Variants in MTUS2 observed in about 807,000 individuals in gnomAD.
MTUS2 encodes the protein microtubule-associated tumor suppressor candidate 2.
Under a neutral mutation model 114.1 loss-of-function variants are expected in MTUS2, and 40 were observed. The ratio of observed to expected loss-of-function variants is 0.35; its 90% CI spans 0.27 to 0.46. The LOEUF is 0.46. MTUS2 is among the 20% of genes least tolerant of loss of function. The pLI, the probability that MTUS2 is intolerant of heterozygous loss-of-function variation, is 1.00. For synonymous variants in MTUS2, 688 were observed against 672.0 expected (o/e 1.02, Z -0.37); for missense variants, 1,679 against 1,705.4 (o/e 0.98, Z 0.27).
At chr13:29,030,696 C>G (rs1456923919) in intron 3 of MTUS2, among the ~76,000 whole-genome samples, 2 of 151,958 alleles carry the variant, frequency 1.3e-5, no homozygotes, top group African/African-American at 4.8e-5. Flanking sequence ...TAATGTGTTG[C>G]AATGGAAGTA....
At chr13:29,031,832 A>G (rs915518459) in intron 3 of MTUS2, among the ~76,000 whole-genome samples, 1 of 152,046 alleles carries the variant, frequency 6.6e-6, no homozygotes, top group Non-Finnish European at 1.5e-5. Flanking sequence ...GCTTGTTAAC[A>G]AAGCCTTCAC....
chr13:29,497,412 T>TCGTC, intron 13 of MTUS2, 76 bp downstream of exon 13: 1 of 1,307,644 alleles, frequency 7.6e-7, no homozygotes, highest in Non-Finnish European at 1.1e-6. Context: ...CTCAGCAGTC[T>TCGTC]CGTCCCAAGA....
At chr13:29,451,287 A>G (rs765304465) in intron 9 of MTUS2, among the ~76,000 whole-genome samples, 28 of 151,668 alleles carry the variant, frequency 1.8e-4, no homozygotes, top group Non-Finnish European at 3.8e-4. Context: ...AAAATATCTG[A>G]AAAAAAAACC....
chr13:29,000,655 T>C (rs756942967), intron 2 of MTUS2, among the ~76,000 whole-genome samples: 3 of 152,222 alleles, frequency 2.0e-5, no homozygotes, highest in Non-Finnish European at 2.9e-5. Flanking sequence ...CATAAGCCAC[T>C]GTGCCTGGCC....
intron 2 of MTUS2, among the ~76,000 whole-genome samples, chr13:28,862,793 G>T (rs1360855285): frequency 1.3e-5 from 2 of 152,148 alleles, no homozygotes; most frequent in Non-Finnish European, 2.9e-5. Context: ...AATTGAACAT[G>T]ATAGTAAAGG....
intron 2 of MTUS2, among the ~76,000 whole-genome samples, chr13:28,895,536 G>A (rs1339248503): frequency 6.6e-6 from 1 of 152,162 alleles, no homozygotes; most frequent in African/African-American, 2.4e-5. Context: ...ATTAGATAGT[G>A]TGTATCTACC....
At chr13:29,281,985 G>A in intron 6 of MTUS2, 120 bp downstream of exon 6, 1 of 1,158,252 alleles carries the variant, frequency 8.6e-7, no homozygotes, top group Non-Finnish European at 1.2e-6. Context: ...TTAAATGATA[G>A]TTAGTAACAA....
rs187786121 is a variant in MTUS2, at chr13:29,381,262, G to A, written c.3117+21789G>A. Among the ~76,000 whole-genome samples the A allele has an allele frequency of 4.4e-3, 670 of 152,232 alleles. 5 individuals carry two copies. The highest frequency in any genetic ancestry group is 0.016 in the African/African-American group (655 of 41,550). On this transcript the variant is annotated intron_variant, in intron 8 of 15. Transcript: ENST00000612955. ...TAAAGTAGACTAGATAGAGTGAGAA[G>A]AAAGTTTGCAACTGTGGCAAGCAAA...
chr13:29,273,932 G>T (rs924038518), intron 5 of MTUS2, among the ~76,000 whole-genome samples: 1 of 152,156 alleles, frequency 6.6e-6, no homozygotes, highest in Non-Finnish European at 1.5e-5. Flanking sequence ...TCGATGGGGG[G>T]CCATTTGGGT....
chr13:29,155,611 A>G (rs1447037260), intron 5 of MTUS2, among the ~76,000 whole-genome samples: 1 of 152,182 alleles, frequency 6.6e-6, no homozygotes, highest in African/African-American at 2.4e-5. Context: ...TCAGTCTGTA[A>G]ATTATAATAT....
intron 2 of MTUS2, among the ~76,000 whole-genome samples, chr13:28,843,326 G>A (rs571872848): frequency 2.6e-5 from 4 of 152,102 alleles, no homozygotes; most frequent in South Asian, 2.1e-4. Context: ...CTCAGATTTC[G>A]AGAATGTGAA....
intron 8 of MTUS2, among the ~76,000 whole-genome samples, chr13:29,372,527 G>A (rs1329649511): frequency 6.6e-6 from 1 of 152,038 alleles, no homozygotes; most frequent in African/African-American, 2.4e-5. Context: ...CCTACACCTG[G>A]TGACAAACAC....
intron 8 of MTUS2, among the ~76,000 whole-genome samples, chr13:29,359,719 A>T (rs929822858): frequency 2.6e-5 from 4 of 152,176 alleles, no homozygotes; most frequent in Non-Finnish European, 5.9e-5. Context: ...CAAAATACGA[A>T]ATTATGTAAA....
intron 5 of MTUS2, among the ~76,000 whole-genome samples, chr13:29,167,559 A>G (rs1460580511): frequency 1.4e-5 from 2 of 147,444 alleles, no homozygotes; most frequent in African/African-American, 2.5e-5. Context: ...TCATTAGAAG[A>G]TAATCATATT....
chr13:28,954,857 AG>A (rs1469178045), intron 2 of MTUS2, among the ~76,000 whole-genome samples: 1 of 152,064 alleles, frequency 6.6e-6, no homozygotes, highest in Non-Finnish European at 1.5e-5. Flanking sequence ...GGTCACTTCG[AG>A]GGGTGGTTGG....
intron 2 of MTUS2, among the ~76,000 whole-genome samples, chr13:28,883,723 G>A (rs946668413): frequency 3.9e-5 from 6 of 152,162 alleles, no homozygotes; most frequent in Admixed American, 2.6e-4. Context: ...TATCTTGATT[G>A]TGGCCATGGT....
intron 4 of MTUS2, among the ~76,000 whole-genome samples, chr13:29,049,258 A>G (rs56014827): frequency 0.1 from 15,355 of 152,220 alleles, 1,032 homozygotes; most frequent in Non-Finnish European, 0.14. Flanking sequence ...TTTGCTTGCT[A>G]TTTTTATGAA....
intron 5 of MTUS2, among the ~76,000 whole-genome samples, chr13:29,138,349 G>A (rs558568808): frequency 1.3e-5 from 2 of 151,878 alleles, no homozygotes; most frequent in East Asian, 3.9e-4. Flanking sequence ...TTGTCTGGGT[G>A]GGGAGGCAGA....
rs1285212302 is a variant in MTUS2 at position 29,025,245 on chromosome 13, T to C, written c.547T>C (p.Ser183Pro). 6.2e-7 allele frequency: 1 copy of C among 1,613,782 alleles called. No individual in the cohort carries two copies. Among genetic ancestry groups the C allele is most frequent in the Non-Finnish European group, 8.5e-7 (1 of 1,179,894 alleles). ...RRHSLERASS[S>P]VAAVGSLTPQ... is the part of the protein sequence containing the mutation. ...GCATTCTTTGGAAAGAGCAAGCAGC[T>C]CTGTAGCTGCAGTCGGGAGCCTGAC... The change falls in exon 3 of 16, where the codon TCT becomes CCT. Residue 183 changes from serine to proline, a missense_variant. By Grantham distance (74) the Ser-to-Pro change is moderately conservative (BLOSUM62 -1). Around this residue, in one of 3 missense-constraint regions of MTUS2, gnomAD observed 843 missense variants for 770.8 expected, o/e 1.09. Coordinates refer to ENST00000612955, the MANE Select transcript of MTUS2 (RefSeq NM_001033602.4).
Sources: gnomAD v4.1 joint callset for allele counts (sites outside exome capture counted in the v4.1 genomes callset) on GRCh38, gnomAD v4.1.1 for gene constraint, gnomAD v4.1.1 regional missense constraint, MANE v1.5 for transcripts, NCBI Gene and HGNC (gene_info 2026-07-23, HGNC 2026-07-21) for gene names.